ELAPOR1: variants seen among roughly 807,000 people sequenced by gnomAD.
The protein encoded by ELAPOR1 is endosome/lysosome-associated apoptosis and autophagy regulator 1.
ELAPOR1 carries 77 observed loss-of-function variants against 119.7 expected under a neutral mutation model. That is an observed-to-expected ratio of 0.64 (90% CI 0.54 to 0.78). The LOEUF (loss-of-function observed/expected upper bound fraction) is 0.78, where lower values mean the gene tolerates loss of function less well. ELAPOR1 is among the 30% of genes least tolerant of loss of function. The pLI is 0.00. For synonymous variants in ELAPOR1, 481 were observed against 487.2 expected, an observed-to-expected ratio of 0.99 and a Z score of 0.17; for missense variants, 1,115 against 1,270.4, an observed-to-expected ratio of 0.88 and a Z score of 1.86.
chr1:109,154,666 GGAA>G (rs1323157473), intron 1 of ELAPOR1, among the ~76,000 whole-genome samples: 2 of 152,200 alleles, frequency 1.3e-5, no homozygotes, highest in African/African-American at 2.4e-5. Flanking sequence ...TGCCCTGGCA[GGAA>G]GAAGAAGGCT....
intron 1 of ELAPOR1, among the ~76,000 whole-genome samples, chr1:109,137,390 A>C (rs1217838520): frequency 6.6e-6 from 1 of 151,190 alleles, no homozygotes; most frequent in Non-Finnish European, 1.5e-5. Flanking sequence ...TTTTAGTAGA[A>C]ATGGGGTTTC....
chr1:109,206,660 T>A lies in ELAPOR1; in HGVS notation c.*3648T>A, dbSNP rs1654511774. On this transcript the variant is annotated 3_prime_UTR_variant, in exon 22 of 22. Coordinates refer to ENST00000369939, the MANE Select transcript of ELAPOR1 (RefSeq NM_020775.5). ...TTTTTCAGCTTTGTGAAATCGAATTTTTTTTCATCAGGGCTGGTTGGATTT... is the reference window on the plus strand; with the variant it reads ...TTTTTCAGCTTTGTGAAATCGAATTATTTTTCATCAGGGCTGGTTGGATTT... 6.6e-6 allele frequency: 1 copy of A among 152,234 alleles called. No individual in the cohort carries two copies. Among genetic ancestry groups the A allele is most frequent in the African/African-American group, 2.4e-5 (1 of 41,472 alleles). The allele number at this position is 152,234 out of a possible 1,614,324, so 9.4% of individuals were successfully genotyped here.
chr1:109,132,329 G>A (rs112132727), intron 1 of ELAPOR1, among the ~76,000 whole-genome samples: 20,168 of 151,896 alleles, frequency 0.13, 1,624 homozygotes, highest in African/African-American at 0.2. Flanking sequence ...TGTATTTTTA[G>A]CAGAGATGGG....
chr1:109,199,991 C>T lies in ELAPOR1; in HGVS notation c.2628+11C>T. The stretch of plus-strand genomic sequence containing the variant: ...GTGGCTGGGATCCAGGTGGGTTTCC[C>T]TCTGATCGGGCACTTCCATGAGAGA... On this transcript the variant is annotated intron_variant, in intron 19 of 21. Coordinates refer to ENST00000369939, the MANE Select transcript of ELAPOR1 (RefSeq NM_020775.5). 6.2e-7 allele frequency: 1 copy of T among 1,614,036 alleles called. No homozygotes were observed. Among genetic ancestry groups the T allele is most frequent in the Non-Finnish European group, 8.5e-7 (1 of 1,179,918 alleles).
intron 8 of ELAPOR1, among the ~76,000 whole-genome samples, chr1:109,186,310 G>A (rs1230163126): frequency 6.6e-6 from 1 of 152,120 alleles, no homozygotes; most frequent in Non-Finnish European, 1.5e-5. Context: ...GCACGGAGAA[G>A]GATCTGGCTG....
intron 1 of ELAPOR1, among the ~76,000 whole-genome samples, chr1:109,140,540 A>G (rs1649765889): frequency 6.6e-6 from 1 of 152,188 alleles, no homozygotes; most frequent in Non-Finnish European, 1.5e-5. Flanking sequence ...AGAGGGGAGC[A>G]AAGCACGGGA....
chr1:109,197,772 C>A, intron 16 of ELAPOR1, 118 bp downstream of exon 16: 1 of 1,173,082 alleles, frequency 8.5e-7, no homozygotes, highest in Non-Finnish European at 1.2e-6. Context: ...ACATGAGGGG[C>A]CCAACCTCTT....
intron 3 of ELAPOR1, among the ~76,000 whole-genome samples, chr1:109,169,985 T>C (rs1325276874): frequency 6.6e-6 from 1 of 152,230 alleles, no homozygotes; most frequent in Non-Finnish European, 1.5e-5. Context: ...AAAGGAATGT[T>C]ATGCAGTAGT....
intron 7 of ELAPOR1, among the ~76,000 whole-genome samples, chr1:109,177,505 C>T (rs1448283915): frequency 9.0e-5 from 10 of 111,418 alleles, no homozygotes; most frequent in East Asian, 8.5e-4. Context: ...GGATGGCGGC[C>T]GGGAAGAGGC....
intron 8 of ELAPOR1, 193 bp from the exon 9 acceptor site, chr1:109,187,984 A>G (rs903202932): frequency 7.4e-7 from 1 of 1,344,480 alleles, no homozygotes; most frequent in Non-Finnish European, 9.6e-7. Flanking sequence ...TAGTGATTGA[A>G]CACAACCATG....
At chr1:109,172,637 C>A in intron 5 of ELAPOR1, 69 bp downstream of exon 5, 1 of 1,172,514 alleles carries the variant, frequency 8.5e-7, no homozygotes, top group Non-Finnish European at 1.3e-6. Flanking sequence ...TCAGAGAGTG[C>A]TTCCTCCCAG....
intron 1 of ELAPOR1, among the ~76,000 whole-genome samples, chr1:109,146,683 GA>G (rs916946946): frequency 1.3e-5 from 2 of 152,208 alleles, no homozygotes; most frequent in Non-Finnish European, 2.9e-5. Flanking sequence ...GTAACCTTGT[GA>G]TTGTTCTCGA....
intron 1 of ELAPOR1, chr1:109,161,664 A>T: frequency 2.6e-6 from 1 of 391,472 alleles, no homozygotes; most frequent in South Asian, 4.4e-5. Flanking sequence ...AAAGAGAGTC[A>T]CACACAAAAA....
chr1:109,119,135 G>A lies in ELAPOR1; in HGVS notation c.153+4799G>A, dbSNP rs564739212. ...TGGTCTTGAACTCCTGACCTCAGGC[G>A]ATCTGCCCGCCTCGGCCTCCCAAAG... On this transcript the variant is annotated intron_variant, in intron 1 of 21. Coordinates refer to ENST00000369939, the MANE Select transcript of ELAPOR1 (RefSeq NM_020775.5). 1.5e-4 allele frequency among the ~76,000 whole-genome samples: 23 copies of A among 151,704 alleles called. No individual in the cohort carries two copies. In the South Asian group the frequency reaches 2.9e-3, roughly 19 times the overall value.
At position 109,114,166 on chromosome 1, in the gene ELAPOR1, C is replaced by T; in HGVS notation, c.-18C>T. On this transcript the variant is annotated 5_prime_UTR_variant, in exon 1 of 22. Transcript: ENST00000369939. ...CGCAGCACCTGAGCCGCTACTGCCG[C>T]TCACTCAGGACAACGCTATGGCTGA... The T allele has an allele frequency of 6.5e-7, 1 of 1,540,250 alleles. No homozygotes were observed. Among genetic ancestry groups the T allele is most frequent in the Non-Finnish European group, 8.8e-7 (1 of 1,141,466 alleles).
chr1:109,196,048 C>T (rs1390831223), intron 15 of ELAPOR1, among the ~76,000 whole-genome samples: 1 of 152,028 alleles, frequency 6.6e-6, no homozygotes, highest in African/African-American at 2.4e-5. Context: ...CCCAGCTACT[C>T]GGGAGGCTGA....
chr1:109,146,693 G>A (rs1650199646), intron 1 of ELAPOR1, among the ~76,000 whole-genome samples: 1 of 152,198 alleles, frequency 6.6e-6, no homozygotes. Context: ...GATTGTTCTC[G>A]AGGGAAGGTA....
At chr1:109,130,302 A>G (rs548975054) in intron 1 of ELAPOR1, among the ~76,000 whole-genome samples, 1 of 152,244 alleles carries the variant, frequency 6.6e-6, no homozygotes, top group East Asian at 1.9e-4. Context: ...AGAAGCTGTT[A>G]TGGTTATCAA....
At chr1:109,184,959 ACTTGGGAGTCACAGGG>A in intron 7 of ELAPOR1, 70 bp from the exon 8 acceptor site, 1 of 952,284 alleles carries the variant, frequency 1.1e-6, no homozygotes, top group Non-Finnish European at 1.7e-6. Flanking sequence ...GCACCCAGGG[ACTTGGGAGTCACAGGG>A]CCATGAAGAG....
Sources: allele counts gnomAD v4.1 joint callset (sites outside exome capture counted in the v4.1 genomes callset), GRCh38; gene constraint gnomAD v4.1.1; transcripts MANE v1.5; gene names NCBI Gene and HGNC (gene_info 2026-07-23, HGNC 2026-07-21).